TMX3: variants seen among roughly 807,000 people sequenced by gnomAD.
TMX3 encodes the protein protein disulfide-isomerase TMX3.
A neutral mutation model predicts 64.4 loss-of-function variants in TMX3; 40 were observed. The observed-to-expected ratio is 0.62, with a 90% confidence interval of 0.48 to 0.81. The LOEUF (loss-of-function observed/expected upper bound fraction) is 0.81, where lower values mean the gene tolerates loss of function less well. Ranked by LOEUF, TMX3 falls within the 30% of genes least tolerant of loss-of-function variation. The probability of loss-of-function intolerance (pLI) is 0.00; values close to 1 mark genes in which losing one functional copy is unlikely to be tolerated. For synonymous variants in TMX3, 189 were observed against 175.7 expected (o/e 1.08, Z -0.60); for missense variants, 497 against 534.5 (o/e 0.93, Z 0.69).
chr18:68,715,055 C>T lies in TMX3; in HGVS notation c.-74G>A. 1.3e-6 allele frequency: 2 copies of T among 1,546,902 alleles called. No individual in the cohort carries two copies. The highest frequency in any genetic ancestry group is 2.0e-5 in the Admixed American group (1 of 50,756). ...GACACTGGGGTCCGCCGCCTGCCCGCCCGGAAAGGGAAACGGAGCCGACCC... is the reference window on the plus strand; with the variant it reads ...GACACTGGGGTCCGCCGCCTGCCCGTCCGGAAAGGGAAACGGAGCCGACCC... On this transcript the variant is annotated 5_prime_UTR_variant, in exon 1 of 16. Transcript: ENST00000299608.
chr18:68,714,976 T>G lies in TMX3; in HGVS notation c.6A>C (p.Ala2=). M[A]AWKSWTALRL... The stretch of plus-strand genomic sequence containing the variant: ...GCAGGGCCGTCCAACTCTTCCACGC[T>G]GCCATGCTAGCCCGGGAGAGCTGCA... The change falls in exon 1 of 16, where the codon GCA becomes GCC. Residue 2 remains alanine (A), a synonymous_variant. Coordinates refer to ENST00000299608, the MANE Select transcript of TMX3 (RefSeq NM_019022.5). 1 of 1,574,446 alleles carries G rather than the reference T, an allele frequency of 6.4e-7. No homozygotes were observed. Among genetic ancestry groups the G allele is most frequent in the Non-Finnish European group, 8.6e-7 (1 of 1,160,730 alleles).
In TMX3 at chr18:68,698,024, T is replaced by A. The variant is rs779289872; in HGVS notation, c.400A>T (p.Ile134Phe). The change falls in exon 7 of 16, where the codon ATT becomes TTT. Residue 134 changes from isoleucine (I) to phenylalanine (F), a missense_variant. Physicochemically the swap from Ile to Phe is conservative, Grantham distance 21 (BLOSUM62 0). Coordinates refer to ENST00000299608, the MANE Select transcript of TMX3 (RefSeq NM_019022.5). ...EFAHRVSGAL[I>F]RPLPSQQMFE... Reference sequence around the variant, plus strand: ...ATTTGTTGACTTGGAAGTGGCCGAATTAGAGCCCTGTTGCACAACAAAACA... The same window carrying A: ...ATTTGTTGACTTGGAAGTGGCCGAAATAGAGCCCTGTTGCACAACAAAACA... The A allele has an allele frequency of 1.2e-5, 19 of 1,610,320 alleles. 1 individual carries two copies. The highest frequency in any genetic ancestry group is 1.1e-4 in the South Asian group (10 of 90,720).
At chr18:68,700,114 C>T (rs543091615) in intron 6 of TMX3, among the ~76,000 whole-genome samples, 32 of 152,166 alleles carry the variant, frequency 2.1e-4, no homozygotes, top group African/African-American at 7.7e-4. Flanking sequence ...AGAGTTGCTA[C>T]ACGTAATCGA....
At chr18:68,680,353 G>A (rs1232017902) in intron 14 of TMX3, among the ~76,000 whole-genome samples, 4 of 151,944 alleles carry the variant, frequency 2.6e-5, no homozygotes, top group Admixed American at 1.3e-4. Context: ...TGTGACTTGC[G>A]GTGGTTTCAT....
At chr18:68,687,580 T>C in intron 10 of TMX3, 87 bp downstream of exon 10, 2 of 1,530,256 alleles carry the variant, frequency 1.3e-6, no homozygotes, top group Non-Finnish European at 1.7e-6. Flanking sequence ...GAAATAGAGC[T>C]TAAATTCATT....
At chr18:68,687,248 TC>T (rs1279041793) in intron 10 of TMX3, 3 of 984,968 alleles carry the variant, frequency 3.0e-6, no homozygotes, top group Non-Finnish European at 3.6e-6. Flanking sequence ...GCCTGTCATT[TC>T]CAACAGCGTA....
intron 2 of TMX3, 117 bp from the exon 3 acceptor site, chr18:68,711,520 A>G (rs967984629): frequency 1.7e-6 from 1 of 593,904 alleles, no homozygotes; most frequent in Non-Finnish European, 2.8e-6. Context: ...TTCCTTCAAT[A>G]ATACTTTACA....
chr18:68,709,991 A>C, intron 4 of TMX3, 30 bp downstream of exon 4: 1 of 1,554,348 alleles, frequency 6.4e-7, no homozygotes, highest in Non-Finnish European at 8.7e-7. Context: ...CTGTGAGAAC[A>C]GTAAAATAAT....
Position 68,684,480 on chromosome 18 carries a change from G to A in TMX3, c.742C>T (p.Leu248Phe), listed in dbSNP as rs767714113. 3.8e-5 allele frequency: 61 copies of A among 1,612,274 alleles called. No individual in the cohort carries two copies. In the South Asian group the frequency reaches 6.7e-4, roughly 18 times the overall value. The change falls in exon 11 of 16, where the codon CTT becomes TTT. Residue 248 changes from leucine to phenylalanine, a missense_variant. Physicochemically the swap from Leu to Phe is conservative, Grantham distance 22 (BLOSUM62 0). Around this residue, in one of 3 missense-constraint regions of TMX3, gnomAD observed 360 missense variants for 383.5 expected, o/e 0.94. Transcript: ENST00000299608. ...LLYELGDTGK[L>F]VALAVIDEKN... is the part of the protein sequence containing the mutation. ...TCATCAATAACTGCAAGAGCCACAAGCTTTCCTGAAATAAAGAATGACACA... is the reference window on the plus strand; with the variant it reads ...TCATCAATAACTGCAAGAGCCACAAACTTTCCTGAAATAAAGAATGACACA...
At chr18:68,710,502 C>T (rs1015233179) in intron 3 of TMX3, among the ~76,000 whole-genome samples, 27 of 152,152 alleles carry the variant, frequency 1.8e-4, no homozygotes, top group African/African-American at 5.8e-4. Flanking sequence ...AACATACACA[C>T]CTAATTGTTA....
chr18:68,686,317 G>C (rs1006711444), intron 10 of TMX3, among the ~76,000 whole-genome samples: 1 of 152,164 alleles, frequency 6.6e-6, no homozygotes, highest in Non-Finnish European at 1.5e-5. Context: ...AAAGCCACCT[G>C]TTTTAATCAC....
At position 68,701,744 on chromosome 18, in the gene TMX3, C is replaced by T. The variant is rs746254114; in HGVS notation, c.311+1G>A. On this transcript the variant is annotated splice_donor_variant, in intron 5 of 15. Coordinates refer to ENST00000299608, the MANE Select transcript of TMX3 (RefSeq NM_019022.5). LOFTEE classifies it high-confidence loss of function. ...ATATAAACATACAACACTCAACTTA[C>T]AGCTTAATTGTTGGATAACCTCGAA... The T allele has an allele frequency of 2.5e-6, 4 of 1,611,670 alleles. No individual in the cohort carries two copies. The African/African-American group carries it at 4.0e-5, about 16-fold the overall frequency.
intron 8 of TMX3, 71 bp downstream of exon 8, chr18:68,697,155 T>A (rs1915172020): frequency 2.5e-6 from 2 of 793,994 alleles, no homozygotes; most frequent in Admixed American, 2.9e-5. Flanking sequence ...AAAATCACAA[T>A]TTAGTTTATT....
intron 5 of TMX3, chr18:68,700,692 A>C (rs567297377): frequency 1.0e-6 from 1 of 956,708 alleles, no homozygotes; most frequent in African/African-American, 1.8e-5. Context: ...TATTCTATTA[A>C]AATTACATGA....
Position 68,700,840 on chromosome 18 carries a change from G to C in TMX3, c.312-355C>G, listed in dbSNP as rs538478638. 1.6e-5 allele frequency: 16 copies of C among 984,978 alleles called. 1 individual carries two copies. The South Asian group carries it at 6.6e-4, about 40-fold the overall frequency. The allele number at this position is 984,978 out of a possible 1,614,324, so 61.0% of individuals were successfully genotyped here. A position where few individuals can be genotyped will look rare whatever the true frequency, so the allele number is the denominator to read the frequency against. The stretch of plus-strand genomic sequence containing the variant: ...TTCCCTGTCAAAAGGTAAATGAAAG[G>C]ACAGGGAAATAAGAGTATTTTAGAA... On this transcript the variant is annotated intron_variant, in intron 5 of 15. Coordinates refer to ENST00000299608, the MANE Select transcript of TMX3 (RefSeq NM_019022.5).
At position 68,675,969 on chromosome 18, in the gene TMX3, T is replaced by C. The variant is rs1912895238; in HGVS notation, c.*964A>G. The C allele has an allele frequency of 6.6e-6, 1 of 152,138 alleles. No homozygotes were observed. The highest frequency in any genetic ancestry group is 2.4e-5 in the African/African-American group (1 of 41,426). 9.4% of individuals were successfully genotyped at this position (152,138 alleles called of 1,614,324 possible). Reference sequence around the variant, plus strand: ...TCTACAGCATTACATAATAGATGTGTCAATAAACTGTGTGTGTCTGTGGGT... The same window carrying C: ...TCTACAGCATTACATAATAGATGTGCCAATAAACTGTGTGTGTCTGTGGGT... On this transcript the variant is annotated 3_prime_UTR_variant, in exon 16 of 16. Coordinates refer to ENST00000299608, the MANE Select transcript of TMX3 (RefSeq NM_019022.5).
intron 10 of TMX3, among the ~76,000 whole-genome samples, chr18:68,685,129 G>GT (rs1468021936): frequency 6.6e-6 from 1 of 152,200 alleles, no homozygotes; most frequent in East Asian, 1.9e-4. Context: ...CCATCAAGCA[G>GT]TGTCTATCAT....
chr18:68,687,875 C>A, intron 9 of TMX3, 110 bp from the exon 10 acceptor site: 1 of 685,680 alleles, frequency 1.5e-6, no homozygotes, highest in Non-Finnish European at 2.3e-6. Context: ...ATCATACTTC[C>A]ATAAATATTG....
At chr18:68,691,592 T>C (rs891506221) in intron 8 of TMX3, among the ~76,000 whole-genome samples, 1 of 152,190 alleles carries the variant, frequency 6.6e-6, no homozygotes, top group African/African-American at 2.4e-5. Flanking sequence ...GTAAAAACCA[T>C]GGATTATTCT....
Sources: allele counts gnomAD v4.1 joint callset (sites outside exome capture counted in the v4.1 genomes callset), GRCh38; gene constraint gnomAD v4.1.1; regional missense constraint gnomAD v4.1.1; transcripts MANE v1.5; gene names NCBI Gene and HGNC (gene_info 2026-07-23, HGNC 2026-07-21).